CACNA1C: variants seen among roughly 807,000 people sequenced by gnomAD.
The protein encoded by CACNA1C is voltage-dependent L-type calcium channel subunit alpha-1C.
In CACNA1C, 30 loss-of-function variants were observed where a neutral mutation model predicts 229.0. The observed-to-expected ratio is 0.13, with a 90% CI of 0.10 to 0.18. The LOEUF is 0.18. CACNA1C is among the 10% of genes least tolerant of loss of function. The pLI, the probability that CACNA1C is intolerant of heterozygous loss-of-function variation, is 1.00. For synonymous variants in CACNA1C, 1,114 were observed against 1,132.5 expected, an observed-to-expected ratio of 0.98 and a Z score of 0.33; for missense variants, 1,658 against 2,845.0, an observed-to-expected ratio of 0.58 and a Z score of 9.49.
chr12:2,261,687 G>T (rs1404481584), intron 3 of CACNA1C, among the ~76,000 whole-genome samples: 1 of 152,136 alleles, frequency 6.6e-6, no homozygotes, highest in Non-Finnish European at 1.5e-5. Context: ...AGGAGATATA[G>T]CATCAGAGGT....
At chr12:2,313,330 C>T (rs1364749751) in intron 3 of CACNA1C, among the ~76,000 whole-genome samples, 2 of 152,202 alleles carry the variant, frequency 1.3e-5, no homozygotes, top group Non-Finnish European at 2.9e-5. Flanking sequence ...CATCCCTAGC[C>T]TCCTTGCAGG....
intron 3 of CACNA1C, among the ~76,000 whole-genome samples, chr12:2,166,353 C>T (rs896498948): frequency 2.3e-4 from 35 of 152,368 alleles, no homozygotes; most frequent in African/African-American, 8.2e-4. Context: ...AATGGGCAAG[C>T]AGCATGTGCT....
chr12:2,338,836 C>T (rs2096778720), intron 3 of CACNA1C, among the ~76,000 whole-genome samples: 1 of 152,020 alleles, frequency 6.6e-6, no homozygotes, highest in South Asian at 2.1e-4. Flanking sequence ...CCTTCTTGTC[C>T]CTTTCCCCCA....
intron 11 of CACNA1C, among the ~76,000 whole-genome samples, chr12:2,563,887 G>C (rs1642075318): frequency 6.6e-6 from 1 of 152,230 alleles, no homozygotes. Flanking sequence ...ATGTGGTGCT[G>C]CTACATGCCC....
At position 2,247,471 on chromosome 12, in the gene CACNA1C, A is replaced by G. The variant is rs1295046605; in HGVS notation, c.477+127041A>G. Reference sequence around the variant, plus strand: ...CTCACAGCTTTCTAGGCTGGGAGAAATCGACCATGCCATTTTGTGATGGAG... The same window carrying G: ...CTCACAGCTTTCTAGGCTGGGAGAAGTCGACCATGCCATTTTGTGATGGAG... On this transcript the variant is annotated intron_variant, in intron 3 of 46. Coordinates refer to ENST00000399655, the MANE Select transcript of CACNA1C (RefSeq NM_000719.7). 2.0e-5 allele frequency among the ~76,000 whole-genome samples: 3 copies of G among 152,200 alleles called. No individual in the cohort carries two copies. The East Asian group carries it at 5.8e-4, about 29-fold the overall frequency.
intron 3 of CACNA1C, among the ~76,000 whole-genome samples, chr12:2,304,502 C>T (rs760504751): frequency 9.9e-5 from 15 of 152,180 alleles, no homozygotes; most frequent in Non-Finnish European, 1.9e-4. Context: ...CGTTTGTCCC[C>T]CTGTGCTTTT....
intron 3 of CACNA1C, among the ~76,000 whole-genome samples, chr12:2,216,647 T>C (rs190499639): frequency 1.2e-4 from 19 of 152,360 alleles, no homozygotes; most frequent in African/African-American, 3.6e-4. Flanking sequence ...TGGGCAGCCT[T>C]TTAAAAATAC....
chr12:2,545,355 C>T (rs1430738292), intron 9 of CACNA1C, among the ~76,000 whole-genome samples: 2 of 151,696 alleles, frequency 1.3e-5, no homozygotes, highest in Non-Finnish European at 1.5e-5. Flanking sequence ...GTAAGAGGAT[C>T]GGCTTTGATG....
intron 1 of CACNA1C, among the ~76,000 whole-genome samples, chr12:2,100,077 C>A (rs1221893686): frequency 6.6e-6 from 1 of 152,200 alleles, no homozygotes; most frequent in Non-Finnish European, 1.5e-5. Context: ...TGCCTCTCAG[C>A]ACGTGTATAT....
intron 3 of CACNA1C, among the ~76,000 whole-genome samples, chr12:2,415,322 C>T (rs1273924534): frequency 1.3e-5 from 2 of 152,162 alleles, no homozygotes; most frequent in Non-Finnish European, 2.9e-5. Flanking sequence ...GCCACATCCA[C>T]GCTTTTCTAC....
chr12:2,320,672 C>T (rs1361276059), intron 3 of CACNA1C, among the ~76,000 whole-genome samples: 1 of 152,174 alleles, frequency 6.6e-6, no homozygotes, highest in Non-Finnish European at 1.5e-5. Context: ...CTGTGTTACT[C>T]TGGACCCCCT....
chr12:2,195,028 ATGT>A (rs1434063791), intron 3 of CACNA1C, among the ~76,000 whole-genome samples: 2 of 152,306 alleles, frequency 1.3e-5, no homozygotes, highest in East Asian at 1.9e-4. Context: ...ATGTATTCTA[ATGT>A]TGTCTTGAAA....
chr12:2,616,040 G>A (rs1483537399), intron 29 of CACNA1C, among the ~76,000 whole-genome samples: 1 of 152,170 alleles, frequency 6.6e-6, no homozygotes, highest in African/African-American at 2.4e-5. Flanking sequence ...AGTAGCCAGT[G>A]ATCACCTCCC....
chr12:2,090,703 G>A (rs999555587), intron 1 of CACNA1C, among the ~76,000 whole-genome samples: 18 of 152,324 alleles, frequency 1.2e-4, no homozygotes, highest in African/African-American at 3.8e-4. Context: ...ATGAACCTGG[G>A]CATGCAAATA....
chr12:2,272,958 T>G (rs1432444978), intron 3 of CACNA1C, among the ~76,000 whole-genome samples: 1 of 152,216 alleles, frequency 6.6e-6, no homozygotes, highest in Admixed American at 6.5e-5. Flanking sequence ...ACAGTTTAAT[T>G]TTGTCCGCGT....
rs370568145 is a variant in CACNA1C at position 2,467,365 on chromosome 12, G to A, written c.757+9659G>A. ...TTCCTTAAGGTCACAGAGTGACCTG[G>A]TGGCAGGTGGGCAGGACCCTTGCTT... On this transcript the variant is annotated intron_variant, in intron 5 of 46. Transcript: ENST00000399655. The surrounding 1 kb of genome is among the most constrained non-coding windows in gnomAD (Gnocchi z 4.6). Among the ~76,000 whole-genome samples, 18 of 152,204 alleles carry A rather than the reference G, an allele frequency of 1.2e-4. No homozygotes were observed. The highest frequency in any genetic ancestry group is 4.3e-4 in the African/African-American group (18 of 41,450).
rs1259400754 is a variant in CACNA1C, at chr12:2,275,116, C to T, written c.477+154686C>T. ...CCTAACAGGTTTCCACATTTCTCTG[C>T]TGTCAGAATGGTTTTGTTTTCTGAT... On this transcript the variant is annotated intron_variant, in intron 3 of 46. Coordinates refer to ENST00000399655, the MANE Select transcript of CACNA1C (RefSeq NM_000719.7). This position sits in a 1 kb window ranked among gnomAD's most constrained non-coding sequence, Gnocchi z 4.1. 1.3e-5 allele frequency among the ~76,000 whole-genome samples: 2 copies of T among 152,196 alleles called. No homozygotes were observed. Among genetic ancestry groups the T allele is most frequent in the Non-Finnish European group, 2.9e-5 (2 of 68,030 alleles).
At chr12:2,485,791 A>G (rs2099695233) in intron 5 of CACNA1C, among the ~76,000 whole-genome samples, 1 of 152,206 alleles carries the variant, frequency 6.6e-6, no homozygotes, top group South Asian at 2.1e-4. Flanking sequence ...AAAGATGCTC[A>G]GTTGTCTGTA....
At chr12:2,549,506 G>A (rs138063180) in intron 9 of CACNA1C, among the ~76,000 whole-genome samples, 2 of 152,326 alleles carry the variant, frequency 1.3e-5, no homozygotes, top group African/African-American at 4.8e-5. Context: ...CCTGTTCTTG[G>A]AGATGGAGCC....
Sources: gnomAD v4.1 joint callset for allele counts (sites outside exome capture counted in the v4.1 genomes callset) on GRCh38, gnomAD v4.1.1 for gene constraint, Gnocchi (gnomAD v3.1) non-coding constraint, MANE v1.5 for transcripts, NCBI Gene and HGNC (gene_info 2026-07-23, HGNC 2026-07-21) for gene names.